PAPSS1: variants seen among roughly 807,000 people sequenced by gnomAD.
PAPSS1 encodes the protein 3'-phosphoadenosine 5'-phosphosulfate synthase 1.
PAPSS1 carries 50 observed loss-of-function variants against 72.0 expected under a neutral mutation model. The ratio of observed to expected loss-of-function variants is 0.69; its 90% CI spans 0.55 to 0.88. PAPSS1 has a LOEUF of 0.88. PAPSS1 is among the 40% of genes least tolerant of loss of function. The pLI, the probability that PAPSS1 is intolerant of heterozygous loss-of-function variation, is 0.00. For missense variants in PAPSS1, 657 were observed against 782.2 expected, an observed-to-expected ratio of 0.84 and a Z score of 1.91; for synonymous variants, 261 against 263.6, an observed-to-expected ratio of 0.99 and a Z score of 0.09.
chr4:107,658,204 C>A (rs1727070092), intron 6 of PAPSS1, among the ~76,000 whole-genome samples: 1 of 137,002 alleles, frequency 7.3e-6, no homozygotes, highest in Non-Finnish European at 1.6e-5. Context: ...CATCAAGTGA[C>A]TCACAAAAAA....
intron 10 of PAPSS1, 61 bp downstream of exon 10, chr4:107,644,741 T>C: frequency 2.7e-6 from 4 of 1,483,180 alleles, no homozygotes; most frequent in Non-Finnish European, 3.6e-6. Flanking sequence ...ATGGTGACAC[T>C]AGCTGTGTTA....
intron 9 of PAPSS1, 132 bp from the exon 10 acceptor site, chr4:107,645,202 TGG>T: frequency 2.1e-6 from 1 of 471,576 alleles, no homozygotes; most frequent in Non-Finnish European, 3.3e-6. Flanking sequence ...ATCAGAAAAC[TGG>T]TAAAAAAAAA....
At chr4:107,626,304 G>A (rs1726096216) in intron 11 of PAPSS1, among the ~76,000 whole-genome samples, 1 of 152,028 alleles carries the variant, frequency 6.6e-6, no homozygotes, top group Admixed American at 6.6e-5. Context: ...ATTTCCACAA[G>A]GCACTCTCAC....
intron 4 of PAPSS1, among the ~76,000 whole-genome samples, chr4:107,683,201 C>A (rs1298313189): frequency 6.6e-6 from 1 of 152,094 alleles, no homozygotes; most frequent in Admixed American, 6.6e-5. Flanking sequence ...AAAAATACAG[C>A]TAGCAAAAGA....
chr4:107,654,748 C>T lies in PAPSS1; in HGVS notation c.1048G>A (p.Glu350Lys), dbSNP rs1374583601. The change falls in exon 8 of 12, where the codon GAG (glutamate) becomes AAG (lysine). Residue 350 changes from glutamate (E) to lysine (K), a missense_variant. By Grantham distance (56) the Glu-to-Lys change is moderately conservative. Coordinates refer to ENST00000265174, the MANE Select transcript of PAPSS1 (RefSeq NM_005443.5). ...NPEFFEHRKE[E>K]RCARQWGTTC... The stretch of plus-strand genomic sequence containing the variant: ...GTTCCCCACTGTCTGGCACAGCGCT[C>T]CTCTTTCCTGTGCTCAAAAAACTCT... 3.1e-6 allele frequency: 5 copies of T among 1,613,838 alleles called. No individual in the cohort carries two copies. The highest frequency in any genetic ancestry group is 4.2e-6 in the Non-Finnish European group (5 of 1,179,892).
At chr4:107,655,468 A>T (rs958301002) in intron 7 of PAPSS1, among the ~76,000 whole-genome samples, 1 of 152,224 alleles carries the variant, frequency 6.6e-6, no homozygotes, top group Admixed American at 6.5e-5. Flanking sequence ...ACTAACCAAG[A>T]AATAAAGACA....
At chr4:107,670,696 C>CT (rs771327162) in intron 5 of PAPSS1, among the ~76,000 whole-genome samples, 60 of 152,114 alleles carry the variant, frequency 3.9e-4, no homozygotes, top group Admixed American at 6.5e-4. Flanking sequence ...CACCTGACTA[C>CT]TTTTTAAAAA....
In PAPSS1 at chr4:107,613,932, C is replaced by A; in HGVS notation, c.*317G>T. The A allele has an allele frequency of 5.8e-6, 1 of 171,198 alleles. No homozygotes were observed. Among genetic ancestry groups the A allele is most frequent in the Non-Finnish European group, 1.2e-5 (1 of 81,274 alleles). The allele number at this position is 171,198 out of a possible 1,614,324, so 10.6% of individuals were successfully genotyped here. Reference sequence around the variant, plus strand: ...AAAAAAGCAAGATTTAATGTGAATACTACTGGTTACAACTAATATAACAGC... The same window carrying A: ...AAAAAAGCAAGATTTAATGTGAATAATACTGGTTACAACTAATATAACAGC... On this transcript the variant is annotated 3_prime_UTR_variant, in exon 12 of 12. Coordinates refer to ENST00000265174, the MANE Select transcript of PAPSS1 (RefSeq NM_005443.5).
intron 10 of PAPSS1, among the ~76,000 whole-genome samples, chr4:107,643,483 T>A (rs928081767): frequency 6.6e-6 from 1 of 152,178 alleles, no homozygotes; most frequent in Non-Finnish European, 1.5e-5. Context: ...TCGACCTCCC[T>A]CTCTATAGAA....
intron 9 of PAPSS1, among the ~76,000 whole-genome samples, chr4:107,650,907 GA>G (rs1726821996): frequency 6.6e-6 from 1 of 152,122 alleles, no homozygotes; most frequent in Non-Finnish European, 1.5e-5. Context: ...AATCTTTCCT[GA>G]AAACCCTCTT....
At chr4:107,658,286 G>T (rs1578403321) in intron 6 of PAPSS1, among the ~76,000 whole-genome samples, 3 of 124,458 alleles carry the variant, frequency 2.4e-5, no homozygotes, top group South Asian at 2.9e-4. Flanking sequence ...CTGTGGTCTT[G>T]TTAGGAAAAA....
At chr4:107,666,449 A>G (rs1727318187) in intron 5 of PAPSS1, among the ~76,000 whole-genome samples, 1 of 152,196 alleles carries the variant, frequency 6.6e-6, no homozygotes, top group South Asian at 2.1e-4. Flanking sequence ...AGATGCTGTG[A>G]GAAAACGCTA....
intron 3 of PAPSS1, among the ~76,000 whole-genome samples, chr4:107,690,039 G>A (rs914439661): frequency 2.0e-5 from 3 of 152,122 alleles, no homozygotes; most frequent in African/African-American, 7.2e-5. Flanking sequence ...GCTGCTGCTT[G>A]AGTTCACATC....
chr4:107,694,354 G>A (rs912787924), intron 2 of PAPSS1: 6 of 213,666 alleles, frequency 2.8e-5, no homozygotes, highest in Non-Finnish European at 4.7e-5. Flanking sequence ...CAATCTCTCA[G>A]TAATGTTCTT....
chr4:107,704,636 T>G (rs2428401), intron 1 of PAPSS1, among the ~76,000 whole-genome samples: 126,097 of 152,116 alleles, frequency 0.83, 53,998 homozygotes, highest in South Asian at 0.95. Context: ...ATTCTGTTAG[T>G]GTGGTGCATC....
rs186999528 is a variant in PAPSS1 at position 107,625,470 on chromosome 4, C to T, written c.1736+6161G>A. Among the ~76,000 whole-genome samples, 741 of 152,196 alleles carry T rather than the reference C, an allele frequency of 4.9e-3. 19 individuals carry two copies. The highest frequency in any genetic ancestry group is 0.044 in the Admixed American group (674 of 15,290). ...CCCACAAAAAAAGACCAAAAGTGGC[C>T]TCTAGGAGCAGACAGCAATGCTCAG... is the stretch of plus-strand genomic sequence containing the variant. On this transcript the variant is annotated intron_variant, in intron 11 of 11. Transcript: ENST00000265174.
chr4:107,677,563 T>G (rs567912336), intron 5 of PAPSS1, among the ~76,000 whole-genome samples: 3 of 151,914 alleles, frequency 2.0e-5, no homozygotes, highest in South Asian at 2.1e-4. Flanking sequence ...TGTGGAGAAA[T>G]AGGAACACTT....
At chr4:107,641,504 G>C (rs1017538157) in intron 10 of PAPSS1, among the ~76,000 whole-genome samples, 6 of 152,084 alleles carry the variant, frequency 3.9e-5, no homozygotes, top group Non-Finnish European at 8.8e-5. Context: ...TACAGCTCTG[G>C]TCTTCTTTGA....
At chr4:107,712,662 CAA>C (rs1723525197) in intron 1 of PAPSS1, among the ~76,000 whole-genome samples, 1 of 152,022 alleles carries the variant, frequency 6.6e-6, no homozygotes, top group Non-Finnish European at 1.5e-5. Flanking sequence ...ATCATGAGGT[CAA>C]GAGATCGAGA....
Sources: allele counts gnomAD v4.1 joint callset (sites outside exome capture counted in the v4.1 genomes callset), GRCh38; gene constraint gnomAD v4.1.1; transcripts MANE v1.5; gene names NCBI Gene and HGNC (gene_info 2026-07-23, HGNC 2026-07-21).